CTNNAL1: variants seen among roughly 807,000 people sequenced by gnomAD.
CTNNAL1 encodes the protein catenin alpha like 1.
A neutral mutation model predicts 93.6 loss-of-function variants in CTNNAL1; 69 were observed. That is an observed-to-expected ratio of 0.74 (90% CI 0.61 to 0.90). The LOEUF (loss-of-function observed/expected upper bound fraction) is 0.90. CTNNAL1 is among the 40% of genes least tolerant of loss of function. The probability of loss-of-function intolerance (pLI) is 0.00; values close to 1 mark genes in which losing one functional copy is unlikely to be tolerated. For synonymous variants in CTNNAL1, 286 were observed against 305.4 expected, an observed-to-expected ratio of 0.94 and a Z score of 0.66; for missense variants, 836 against 862.0, an observed-to-expected ratio of 0.97 and a Z score of 0.38.
intron 9 of CTNNAL1, among the ~76,000 whole-genome samples, 168 bp from the exon 10 acceptor site, chr9:108,970,662 A>G (rs1831088278): frequency 6.6e-6 from 1 of 152,226 alleles, no homozygotes; most frequent in South Asian, 2.1e-4. Flanking sequence ...TTGGTCACCA[A>G]CAGATTCTCT....
In CTNNAL1 at chr9:108,990,856, GATA is replaced by G; in HGVS notation, c.520-14_520-12del. The G allele has an allele frequency of 1.9e-6, 3 of 1,608,278 alleles. No homozygotes were observed. Among genetic ancestry groups the G allele is most frequent in the Non-Finnish European group, 2.5e-6 (3 of 1,177,902 alleles). On this transcript the variant is annotated splice_polypyrimidine_tract_variant and intron_variant, in intron 3 of 18. Coordinates refer to ENST00000325551, the MANE Select transcript of CTNNAL1 (RefSeq NM_003798.4). ...CATAGTTGCGAGAACCTGCAAAACAGATAATAATTCATTATTTGGTGAGAGCTA... is the reference window on the plus strand; with the variant it reads ...CATAGTTGCGAGAACCTGCAAAACAGATAATTCATTATTTGGTGAGAGCTA...
intron 14 of CTNNAL1, among the ~76,000 whole-genome samples, chr9:108,949,500 G>A (rs959102650): frequency 6.6e-6 from 1 of 152,208 alleles, no homozygotes; most frequent in Non-Finnish European, 1.5e-5. Context: ...TTGAGGTCAG[G>A]AGTTTGAGAC....
chr9:109,012,089 T>C (rs886115829), intron 1 of CTNNAL1, among the ~76,000 whole-genome samples: 3 of 151,776 alleles, frequency 2.0e-5, no homozygotes, highest in Non-Finnish European at 4.4e-5. Context: ...GGAAGGAGAG[T>C]GTCAGATATA....
At chr9:108,992,003 T>C (rs771057466) in intron 3 of CTNNAL1, 3 of 743,126 alleles carry the variant, frequency 4.0e-6, no homozygotes, top group Non-Finnish European at 7.5e-6. Context: ...ACAGAAATTT[T>C]GTAGTTGTGG....
At chr9:108,998,725 G>A (rs982190843) in intron 2 of CTNNAL1, among the ~76,000 whole-genome samples, 5 of 152,172 alleles carry the variant, frequency 3.3e-5, no homozygotes, top group Non-Finnish European at 7.3e-5. Context: ...AATACTAATG[G>A]ATACTAATGC....
At chr9:108,989,073 G>T (rs1441861917) in intron 4 of CTNNAL1, among the ~76,000 whole-genome samples, 1 of 152,150 alleles carries the variant, frequency 6.6e-6, no homozygotes, top group African/African-American at 2.4e-5. Context: ...ACTTCAGCCA[G>T]AAGTTTTTAA....
rs749573867 is a variant in CTNNAL1, at chr9:108,992,771, T to C, written c.380A>G (p.Glu127Gly). The change falls in exon 3 of 19, where the codon GAA becomes GGA. Residue 127 changes from glutamate to glycine, a missense_variant. Physicochemically the swap from Glu to Gly is moderately conservative, Grantham distance 98. Coordinates refer to ENST00000325551, the MANE Select transcript of CTNNAL1 (RefSeq NM_003798.4). ...LTDITNLNHL[E>G]SDGQITIFTD... ...AAAAATTGTGATCTGCCCATCAGAT[T>C]CCAGATGGTTCAAGTTGGTTATGTC... 1 of 1,613,810 alleles carries C rather than the reference T, an allele frequency of 6.2e-7. No homozygotes were observed. Among genetic ancestry groups the C allele is most frequent in the Non-Finnish European group, 8.5e-7 (1 of 1,179,890 alleles).
intron 11 of CTNNAL1, among the ~76,000 whole-genome samples, chr9:108,956,753 A>T (rs1244603570): frequency 6.6e-6 from 1 of 152,196 alleles, no homozygotes; most frequent in Non-Finnish European, 1.5e-5. Context: ...AATGGCTTAT[A>T]CAAATATTTA....
At chr9:108,959,173 C>T (rs1324172730) in intron 11 of CTNNAL1, among the ~76,000 whole-genome samples, 1 of 150,214 alleles carries the variant, frequency 6.7e-6, no homozygotes, top group Non-Finnish European at 1.5e-5. Context: ...TCCTGGCTAA[C>T]ACGGTGAAAC....
At chr9:108,991,519 T>C (rs1361035680) in intron 3 of CTNNAL1, among the ~76,000 whole-genome samples, 2 of 151,900 alleles carry the variant, frequency 1.3e-5, no homozygotes, top group East Asian at 3.9e-4. Flanking sequence ...TATTAGATTG[T>C]TTTAGTCGCA....
At position 108,992,668 on chromosome 9, in the gene CTNNAL1, T is replaced by C. The variant is rs1243935255; in HGVS notation, c.483A>G (p.Arg161=). The C allele has an allele frequency of 6.2e-7, 1 of 1,613,760 alleles. No individual in the cohort carries two copies. Among genetic ancestry groups the C allele is most frequent in the Non-Finnish European group, 8.5e-7 (1 of 1,179,846 alleles). Reference sequence around the variant, plus strand: ...ATGTTATTATCTGTTTAATGACTACTCGGTCTGCCAGCAACAACACTTTTG... The same window carrying C: ...ATGTTATTATCTGTTTAATGACTACCCGGTCTGCCAGCAACAACACTTTTG... ...SVTKVLLLAD[R]VVIKQIITSR... is the part of the protein sequence containing the mutation. Residue 161 remains arginine, a synonymous_variant, in exon 3 of 19, where the codon CGA becomes CGG. Coordinates refer to ENST00000325551, the MANE Select transcript of CTNNAL1 (RefSeq NM_003798.4).
intron 3 of CTNNAL1, among the ~76,000 whole-genome samples, chr9:108,991,093 A>G (rs28361116): frequency 0.018 from 2,720 of 152,356 alleles, 32 homozygotes; most frequent in Non-Finnish European, 0.025. Context: ...AAGGAAAAAG[A>G]ATAAAAGAAA....
chr9:109,000,541 G>A (rs1826767010), intron 1 of CTNNAL1, among the ~76,000 whole-genome samples: 1 of 152,150 alleles, frequency 6.6e-6, no homozygotes, highest in African/African-American at 2.4e-5. Flanking sequence ...TGTACAAAAT[G>A]TTAGGATAGT....
intron 2 of CTNNAL1, 93 bp downstream of exon 2, chr9:108,998,974 G>C (rs1832124891): frequency 7.2e-7 from 1 of 1,389,860 alleles, no homozygotes; most frequent in Admixed American, 2.6e-5. Flanking sequence ...TCAAAGAGCT[G>C]TATATCTTTA....
intron 2 of CTNNAL1, among the ~76,000 whole-genome samples, chr9:108,997,308 G>C (rs1355028795): frequency 6.6e-6 from 1 of 152,076 alleles, no homozygotes; most frequent in African/African-American, 2.4e-5. Flanking sequence ...ACTTGGCCTA[G>C]CTGGTTTTAC....
intron 11 of CTNNAL1, among the ~76,000 whole-genome samples, chr9:108,958,483 C>A (rs538781220): frequency 1.3e-5 from 2 of 152,264 alleles, no homozygotes; most frequent in Admixed American, 6.5e-5. Context: ...GCTTCCTATT[C>A]CCATCCTTTA....
intron 1 of CTNNAL1, among the ~76,000 whole-genome samples, chr9:109,003,280 T>C (rs1826907179): frequency 6.6e-6 from 1 of 152,176 alleles, no homozygotes; most frequent in South Asian, 2.1e-4. Flanking sequence ...TGGGCTTTTG[T>C]CTAGTAGAAT....
At position 108,970,435 on chromosome 9, in the gene CTNNAL1, A is replaced by C. The variant is rs142820642; in HGVS notation, c.1407T>G (p.His469Gln). The change falls in exon 10 of 19, where the codon CAT (histidine) becomes CAG (glutamine). Residue 469 changes from histidine to glutamine, a missense_variant. By Grantham distance (24) the His-to-Gln change is conservative. Transcript: ENST00000325551. The stretch of plus-strand genomic sequence containing the variant: ...CAGTCACCTGAAATGTCTCCTCTGC[A>C]TGTATACAGGTTATTTCCAGAGGTT... Reference protein sequence around the residue: ...GTEPLEITCIHAEETFQVTGQ... With the variant: ...GTEPLEITCIQAEETFQVTGQ... 4 of 1,612,974 alleles carry C rather than the reference A, an allele frequency of 2.5e-6. No individual in the cohort carries two copies. The South Asian group carries it at 3.3e-5, about 13-fold the overall frequency.
chr9:108,985,720 T>C (rs1831585347), intron 4 of CTNNAL1, among the ~76,000 whole-genome samples: 1 of 152,196 alleles, frequency 6.6e-6, no homozygotes, highest in African/African-American at 2.4e-5. Flanking sequence ...TTTCCACCCA[T>C]TCCTCTTGTC....
Sources: allele counts gnomAD v4.1 joint callset (sites outside exome capture counted in the v4.1 genomes callset), GRCh38; gene constraint gnomAD v4.1.1; transcripts MANE v1.5; gene names NCBI Gene and HGNC (gene_info 2026-07-23, HGNC 2026-07-21).